KCNIP4: variants seen among roughly 807,000 people sequenced by gnomAD.
KCNIP4 encodes the protein potassium voltage-gated channel interacting protein 4.
KCNIP4 carries 12 observed loss-of-function variants against 34.0 expected under a neutral mutation model. That is an observed-to-expected ratio of 0.35 (90% confidence interval 0.23 to 0.57). The LOEUF is 0.57. Ranked by LOEUF, KCNIP4 falls within the 20% of genes least tolerant of loss-of-function variation. The probability of loss-of-function intolerance (pLI) is 0.83; values close to 1 mark genes in which losing one functional copy is unlikely to be tolerated. For synonymous variants in KCNIP4, 124 were observed against 102.2 expected (o/e 1.21, Z -1.29); for missense variants, 238 against 311.7 (o/e 0.76, Z 1.78).
intron 1 of KCNIP4, among the ~76,000 whole-genome samples, chr4:21,457,037 C>A (rs1729009957): frequency 6.6e-6 from 1 of 151,886 alleles, no homozygotes; most frequent in South Asian, 2.1e-4. Context: ...TTGCACATAT[C>A]CTCTTCAGTT....
chr4:21,755,122 G>A (rs913220932), intron 1 of KCNIP4, among the ~76,000 whole-genome samples: 6 of 152,180 alleles, frequency 3.9e-5, no homozygotes, highest in Admixed American at 2.6e-4. Context: ...AGTGGAGACA[G>A]AGCAAGACAC....
intron 1 of KCNIP4, among the ~76,000 whole-genome samples, chr4:21,134,764 A>G (rs1034129757): frequency 6.6e-6 from 1 of 152,280 alleles, no homozygotes; most frequent in Middle Eastern, 3.4e-3. Context: ...TATTCTATCA[A>G]TATAATCCCA....
Position 21,786,760 on chromosome 4 carries a change from G to T in KCNIP4, c.61+161811C>A, listed in dbSNP as rs540285594. ...TTTTTGTATTTTTAGTAGAGACGGG[G>T]TTTCATCGTGTTAGCCAGGATGGTC... On this transcript the variant is annotated intron_variant, in intron 1 of 8. Coordinates refer to ENST00000382152, the MANE Select transcript of KCNIP4 (RefSeq NM_025221.6). Among the ~76,000 whole-genome samples the T allele has an allele frequency of 3.4e-3, 518 of 151,994 alleles. 2 individuals are homozygous for T. The highest frequency in any genetic ancestry group is 0.01 in the Middle Eastern group (3 of 294).
At chr4:21,187,430 T>C (rs1275715669) in intron 1 of KCNIP4, among the ~76,000 whole-genome samples, 1 of 152,208 alleles carries the variant, frequency 6.6e-6, no homozygotes, top group African/African-American at 2.4e-5. Flanking sequence ...AATTGTAAAG[T>C]GCTGTAACCT....
At chr4:21,439,713 C>T (rs1727281733) in intron 1 of KCNIP4, among the ~76,000 whole-genome samples, 1 of 151,614 alleles carries the variant, frequency 6.6e-6, no homozygotes, top group African/African-American at 2.4e-5. Context: ...TGGCTGGAAT[C>T]GAGACAGCCA....
chr4:20,987,730 TG>T (rs1736703728), intron 1 of KCNIP4, among the ~76,000 whole-genome samples: 1 of 152,024 alleles, frequency 6.6e-6, no homozygotes, highest in South Asian at 2.1e-4. Context: ...CCGGGCGCGG[TG>T]GCTCATGCCT....
intron 1 of KCNIP4, among the ~76,000 whole-genome samples, chr4:20,886,042 C>A (rs1439365292): frequency 6.6e-6 from 1 of 152,176 alleles, no homozygotes; most frequent in Non-Finnish European, 1.5e-5. Flanking sequence ...TAAAACAATT[C>A]ATGATACAAT....
At chr4:21,053,656 A>ATAG (rs2108953772) in intron 1 of KCNIP4, among the ~76,000 whole-genome samples, 1 of 152,354 alleles carries the variant, frequency 6.6e-6, no homozygotes, top group Admixed American at 6.5e-5. Flanking sequence ...CTAAGAAGTG[A>ATAG]TAGTAAGGTT....
chr4:20,761,297 A>G (rs754684734), intron 3 of KCNIP4, among the ~76,000 whole-genome samples: 55 of 152,168 alleles, frequency 3.6e-4, no homozygotes, highest in Non-Finnish European at 6.6e-4. Context: ...AAGTCTCTTT[A>G]TACTCACACA....
chr4:20,831,019 C>A (rs16870109), intron 3 of KCNIP4, among the ~76,000 whole-genome samples: 4 of 151,948 alleles, frequency 2.6e-5, no homozygotes, highest in African/African-American at 7.3e-5. Flanking sequence ...TAGTATTTGC[C>A]TCTGTAAAAT....
At chr4:21,277,511 A>G (rs1396131956) in intron 1 of KCNIP4, among the ~76,000 whole-genome samples, 1 of 152,218 alleles carries the variant, frequency 6.6e-6, no homozygotes, top group Non-Finnish European at 1.5e-5. Flanking sequence ...AAAACACAGT[A>G]ATAAACAACT....
In KCNIP4 at chr4:21,859,500, T is replaced by C. The variant is rs188124280; in HGVS notation, c.61+89071A>G. On this transcript the variant is annotated intron_variant, in intron 1 of 8. Transcript: ENST00000382152. ...AAAATTAGCCGGGCGTGGTGGTGGG[T>C]GCCTGTAGTCCCAGCTATTCGGGAG... is the stretch of plus-strand genomic sequence containing the variant. Among the ~76,000 whole-genome samples, 1,293 of 151,198 alleles carry C rather than the reference T, an allele frequency of 8.6e-3. 14 individuals are homozygous for C. The highest frequency in any genetic ancestry group is 0.032 in the South Asian group (151 of 4,764).
chr4:21,892,220 C>A (rs1230459121), intron 1 of KCNIP4, among the ~76,000 whole-genome samples: 1 of 151,632 alleles, frequency 6.6e-6, no homozygotes, highest in Non-Finnish European at 1.5e-5. Context: ...ACTATTGCTA[C>A]ATAAAACAAC....
At chr4:21,948,518 C>A (rs1730628579) in intron 1 of KCNIP4, 53 bp downstream of exon 1, 3 of 1,575,220 alleles carry the variant, frequency 1.9e-6, no homozygotes, top group Non-Finnish European at 1.7e-6. Flanking sequence ...TCTTGGCTCG[C>A]GAGGGAAGGA....
At chr4:21,754,090 G>C (rs1717339258) in intron 1 of KCNIP4, among the ~76,000 whole-genome samples, 1 of 152,172 alleles carries the variant, frequency 6.6e-6, no homozygotes, top group African/African-American at 2.4e-5. Context: ...CCTGCAGTAA[G>C]GGCTCGCATC....
chr4:21,198,786 T>G (rs2113969), intron 1 of KCNIP4, among the ~76,000 whole-genome samples: 79,583 of 151,996 alleles, frequency 0.52, 23,412 homozygotes, highest in African/African-American at 0.81. Flanking sequence ...AGGTGCTTCT[T>G]CTGCAGCACA....
At chr4:20,866,777 G>C (rs988499376) in intron 2 of KCNIP4, among the ~76,000 whole-genome samples, 1 of 151,782 alleles carries the variant, frequency 6.6e-6, no homozygotes. Context: ...CCTTTCAAAG[G>C]GTGACTAGAA....
chr4:21,008,902 TCCAAGCACTTTGTTCTTAGACTC>T (rs958549377), intron 1 of KCNIP4, among the ~76,000 whole-genome samples: 14 of 152,058 alleles, frequency 9.2e-5, no homozygotes, highest in Admixed American at 7.2e-4. Context: ...AATCTGATTC[TCCAAGCACTTTGTTCTTAGACTC>T]CCACATCCCT....
intron 1 of KCNIP4, among the ~76,000 whole-genome samples, chr4:21,704,276 A>T (rs908064115): frequency 2.6e-5 from 4 of 152,190 alleles, no homozygotes; most frequent in Admixed American, 2.6e-4. Flanking sequence ...CAGAGTCCTT[A>T]GCAATGTTCA....
Sources: allele counts gnomAD v4.1 joint callset (sites outside exome capture counted in the v4.1 genomes callset), GRCh38; gene constraint gnomAD v4.1.1; transcripts MANE v1.5; gene names NCBI Gene and HGNC (gene_info 2026-07-23, HGNC 2026-07-21).